STPG2: variants seen among roughly 807,000 people sequenced by gnomAD.
The protein encoded by STPG2 is sperm-tail PG-rich repeat-containing protein 2.
STPG2 carries 56 observed loss-of-function variants against 54.2 expected under a neutral mutation model. That is an observed-to-expected ratio of 1.03 (90% CI 0.83 to 1.29). The LOEUF (loss-of-function observed/expected upper bound fraction) is 1.29, where lower values mean the gene tolerates loss of function less well. Ranked by LOEUF, STPG2 falls within the 50% of genes most tolerant of loss-of-function variation. The probability of loss-of-function intolerance (pLI) is 0.00; values close to 1 mark genes in which losing one functional copy is unlikely to be tolerated. For synonymous variants in STPG2, 200 were observed against 181.8 expected, an observed-to-expected ratio of 1.10 and a Z score of -0.81; for missense variants, 596 against 544.9, an observed-to-expected ratio of 1.09 and a Z score of -0.93.
At chr4:97,537,418 G>T in intron 4 of STPG2, among the ~76,000 whole-genome samples, 1 of 152,300 alleles carries the variant, frequency 6.6e-6, no homozygotes, top group South Asian at 2.1e-4. Context: ...GGCTTGGAGG[G>T]TCCCACACCC....
At chr4:97,683,006 G>C (rs185528002) in intron 10 of STPG2, among the ~76,000 whole-genome samples, 19 of 151,674 alleles carry the variant, frequency 1.3e-4, no homozygotes, top group African/African-American at 4.6e-4. Flanking sequence ...AAATGTATTG[G>C]GTCAGTATTT....
chr4:97,938,091 C>T (rs542554077), intron 8 of STPG2, among the ~76,000 whole-genome samples: 1 of 152,240 alleles, frequency 6.6e-6, no homozygotes, highest in African/African-American at 2.4e-5. Flanking sequence ...GCTGGAGTTG[C>T]TGGAGTTCCT....
chr4:97,963,661 A>G (rs1733981333), intron 7 of STPG2, among the ~76,000 whole-genome samples: 1 of 151,550 alleles, frequency 6.6e-6, no homozygotes, highest in African/African-American at 2.4e-5. Context: ...TGAAATACAT[A>G]TATATATAAA....
chr4:97,999,324 C>T (rs1349318194), intron 5 of STPG2, among the ~76,000 whole-genome samples: 1 of 152,178 alleles, frequency 6.6e-6, no homozygotes, highest in African/African-American at 2.4e-5. Context: ...ACCAACTTCC[C>T]TTTTCCTAGC....
At chr4:97,896,678 G>T (rs1578664747) in intron 8 of STPG2, among the ~76,000 whole-genome samples, 1 of 151,588 alleles carries the variant, frequency 6.6e-6, no homozygotes, top group Admixed American at 6.6e-5. Context: ...ACATCTTTAT[G>T]AATGCAAATT....
intron 5 of STPG2, among the ~76,000 whole-genome samples, chr4:98,093,102 AT>A (rs1403978249): frequency 1.3e-5 from 2 of 152,210 alleles, no homozygotes; most frequent in Non-Finnish European, 2.9e-5. Flanking sequence ...AACTTCATAT[AT>A]TTTGTATTAC....
intron 4 of STPG2, among the ~76,000 whole-genome samples, chr4:97,521,971 A>T (rs1404178851): frequency 6.6e-6 from 1 of 151,958 alleles, no homozygotes; most frequent in Non-Finnish European, 1.5e-5. Flanking sequence ...ATATCTTATT[A>T]AAAATATTAG....
intron 10 of STPG2, among the ~76,000 whole-genome samples, chr4:97,587,988 G>T (rs1007051296): frequency 6.6e-6 from 1 of 151,978 alleles, no homozygotes; most frequent in Non-Finnish European, 1.5e-5. Flanking sequence ...CCTGAGATTT[G>T]CTTTCTGAAA....
intron 8 of STPG2, among the ~76,000 whole-genome samples, chr4:97,858,296 G>A (rs559362612): frequency 2.0e-5 from 3 of 151,954 alleles, no homozygotes. Flanking sequence ...CCTAAAAGCA[G>A]CAAGAGAAAA....
chr4:97,456,891 C>CAAAAAAAAAAAAAAAAAAAAAAAAAAA (rs57563048), intron 4 of STPG2, among the ~76,000 whole-genome samples: 1 of 48,922 alleles, frequency 2.0e-5, no homozygotes, highest in African/African-American at 1.1e-4. Flanking sequence ...TGCTCCGTCT[C>CAAAAAAAAAAAAAAAAAAAAAAAAAAA]AAAAAAAAAA....
At chr4:97,885,933 A>G (rs2149169663) in intron 8 of STPG2, among the ~76,000 whole-genome samples, 1 of 152,356 alleles carries the variant, frequency 6.6e-6, no homozygotes. Flanking sequence ...AAAGATAAAT[A>G]AAAGTCATAA....
intron 8 of STPG2, among the ~76,000 whole-genome samples, chr4:97,866,777 G>T (rs1729797464): frequency 6.6e-6 from 1 of 151,858 alleles, no homozygotes; most frequent in African/African-American, 2.4e-5. Context: ...AAGATTTTTT[G>T]GTATTCAAAT....
chr4:97,971,128 G>T (rs1038799722), intron 7 of STPG2, among the ~76,000 whole-genome samples: 1 of 152,216 alleles, frequency 6.6e-6, no homozygotes, highest in Admixed American at 6.5e-5. Context: ...AGTTAGAATG[G>T]TGATCATTAA....
chr4:97,722,063 T>C (rs902462989), intron 9 of STPG2, among the ~76,000 whole-genome samples: 8 of 119,946 alleles, frequency 6.7e-5, no homozygotes, highest in African/African-American at 4.1e-4. Context: ...CCTCCCCTCC[T>C]TTTTTTTTCT....
intron 5 of STPG2, among the ~76,000 whole-genome samples, chr4:98,051,172 A>T (rs1249109464): frequency 6.6e-6 from 1 of 152,156 alleles, no homozygotes; most frequent in Non-Finnish European, 1.5e-5. Flanking sequence ...TAGAAATGCC[A>T]AAGGAAGTTA....
intron 9 of STPG2, among the ~76,000 whole-genome samples, chr4:97,773,994 GGT>G (rs34968031): frequency 0.046 from 6,793 of 147,276 alleles, 222 homozygotes; most frequent in Admixed American, 0.13. Context: ...TAAAATATAG[GGT>G]GTGTGTGTGT....
rs184403097 is a variant in STPG2 at position 97,899,306 on chromosome 4, C to T, written c.1044+44591G>A. Among the ~76,000 whole-genome samples, 3 of 151,972 alleles carry T rather than the reference C, an allele frequency of 2.0e-5. No homozygotes were observed. In the East Asian group the frequency reaches 5.8e-4, roughly 29 times the overall value. Reference sequence around the variant, plus strand: ...CTACAATGAGAGTTACAAAACAGTGCTCACAGAAATCAGAGAAGACACAAA... The same window carrying T: ...CTACAATGAGAGTTACAAAACAGTGTTCACAGAAATCAGAGAAGACACAAA... On this transcript the variant is annotated intron_variant, in intron 8 of 10. Coordinates refer to ENST00000295268, the MANE Select transcript of STPG2 (RefSeq NM_174952.3).
intron 10 of STPG2, among the ~76,000 whole-genome samples, chr4:97,564,380 T>A (rs1379075630): frequency 1.3e-5 from 2 of 150,314 alleles, no homozygotes; most frequent in Admixed American, 1.3e-4. Context: ...GTCTTGACTC[T>A]TTATCCAATT....
chr4:97,972,284 T>A lies in STPG2; in HGVS notation c.929A>T (p.Tyr310Phe). ...ATTTTTGTATGAATGTATTACCTGA[T>A]AATCAGCAGGTCCAGGGGTAGCACA... The part of the protein sequence containing the change: ...EACATPGPAD[Y>F]QEFWHSQGVG... The change falls in exon 7 of 11, where the codon TAT becomes TTT. Residue 310 changes from tyrosine (Y) to phenylalanine (F), a missense_variant. By Grantham distance (22) the Tyr-to-Phe change is conservative. Coordinates refer to ENST00000295268, the MANE Select transcript of STPG2 (RefSeq NM_174952.3). 1.3e-6 allele frequency: 2 copies of A among 1,578,076 alleles called. No individual in the cohort carries two copies. The highest frequency in any genetic ancestry group is 1.4e-5 in the African/African-American group (1 of 73,188).
Sources: gnomAD v4.1 joint callset for allele counts (sites outside exome capture counted in the v4.1 genomes callset) on GRCh38, gnomAD v4.1.1 for gene constraint, MANE v1.5 for transcripts, NCBI Gene and HGNC (gene_info 2026-07-23, HGNC 2026-07-21) for gene names.